Variants in ANO3 observed in about 807,000 individuals in gnomAD.
ANO3 encodes anoctamin-3.
A neutral mutation model predicts 144.8 loss-of-function variants in ANO3; 99 were observed. The observed-to-expected ratio is 0.68, with a 90% confidence interval of 0.58 to 0.81. The LOEUF is 0.81. Ranked by LOEUF, ANO3 falls within the 30% of genes least tolerant of loss-of-function variation. ANO3 has a pLI of 0.00. For synonymous variants in ANO3, 414 were observed against 392.6 expected (o/e 1.05, Z -0.64); for missense variants, 905 against 1,202.2 (o/e 0.75, Z 3.66).
At chr11:26,591,878 T>C (rs1322081627) in intron 14 of ANO3, among the ~76,000 whole-genome samples, 3 of 149,570 alleles carry the variant, frequency 2.0e-5, no homozygotes, top group Non-Finnish European at 4.4e-5. Context: ...TTGAGCGTGA[T>C]GTATCCAAGA....
chr11:26,602,783 C>G (rs935341102), intron 17 of ANO3, among the ~76,000 whole-genome samples: 41 of 151,632 alleles, frequency 2.7e-4, no homozygotes, highest in African/African-American at 9.2e-4. Flanking sequence ...TAATAGAACA[C>G]TAGAACTTAT....
chr11:26,629,917 C>G (rs1023800207), intron 18 of ANO3, among the ~76,000 whole-genome samples: 3 of 152,186 alleles, frequency 2.0e-5, no homozygotes, highest in Non-Finnish European at 4.4e-5. Context: ...AGGCATGAGC[C>G]ACTGCACCAG....
chr11:26,596,081 C>T (rs760709981), intron 14 of ANO3, among the ~76,000 whole-genome samples: 13 of 152,140 alleles, frequency 8.5e-5, no homozygotes, highest in African/African-American at 2.7e-4. Context: ...TATAGGGTCA[C>T]GGAGAAGACC....
At position 26,437,501 on chromosome 11, in the gene ANO3, T is replaced by A. The variant is rs1264835977; in HGVS notation, c.47-4417T>A. ...GGGGTGGGTAGTCAGATAGTCATCCTGTCTTGATTTTCTCCATTCTCCATT... is the reference window on the plus strand; with the variant it reads ...GGGGTGGGTAGTCAGATAGTCATCCAGTCTTGATTTTCTCCATTCTCCATT... On this transcript the variant is annotated intron_variant, in intron 1 of 26. Transcript: ENST00000256737. Among the ~76,000 whole-genome samples, 3 of 152,360 alleles carry A rather than the reference T, an allele frequency of 2.0e-5. No individual in the cohort carries two copies. The Middle Eastern group carries it at 0.01, about 518-fold the overall frequency.
At chr11:26,656,259 C>G (rs370814112) in intron 25 of ANO3, 54 bp downstream of exon 25, 5 of 1,527,934 alleles carry the variant, frequency 3.3e-6, no homozygotes, top group South Asian at 2.3e-5. Flanking sequence ...AGTACTCCCC[C>G]CTGCATGTTA....
chr11:26,600,281 C>A (rs1851756805), intron 17 of ANO3, among the ~76,000 whole-genome samples: 1 of 102,348 alleles, frequency 9.8e-6, no homozygotes, highest in African/African-American at 3.6e-5. Context: ...CTCCCCTCCC[C>A]TTCCCCTCTC....
chr11:26,222,234 C>T (rs541278145), intron 1 of ANO3, among the ~76,000 whole-genome samples: 6 of 152,336 alleles, frequency 3.9e-5, no homozygotes, highest in South Asian at 2.1e-4. Flanking sequence ...CACAGAAGAG[C>T]GGTCATTAAA....
chr11:26,587,983 AGAGG>A (rs1357312069), intron 14 of ANO3, among the ~76,000 whole-genome samples: 1 of 151,874 alleles, frequency 6.6e-6, no homozygotes, highest in Non-Finnish European at 1.5e-5. Context: ...CGGAAAGCAA[AGAGG>A]GTTTTCATTA....
At chr11:26,629,776 C>A (rs144860300) in intron 18 of ANO3, among the ~76,000 whole-genome samples, 1 of 151,974 alleles carries the variant, frequency 6.6e-6, no homozygotes, top group Non-Finnish European at 1.5e-5. Context: ...GGATTACAGG[C>A]GTGCACCTCC....
intron 14 of ANO3, among the ~76,000 whole-genome samples, chr11:26,593,561 A>T (rs1230885315): frequency 6.6e-6 from 1 of 152,248 alleles, no homozygotes; most frequent in Admixed American, 6.5e-5. Context: ...GGGTGATGGC[A>T]TGGGCTGGCG....
intron 18 of ANO3, among the ~76,000 whole-genome samples, chr11:26,626,213 T>C (rs1852579166): frequency 6.6e-6 from 1 of 152,228 alleles, no homozygotes; most frequent in Non-Finnish European, 1.5e-5. Flanking sequence ...TATCATTTAT[T>C]ATGCTGGATA....
At position 26,531,510 on chromosome 11, in the gene ANO3, G is replaced by A. The variant is rs60373469; in HGVS notation, c.869+174G>A. The stretch of plus-strand genomic sequence containing the variant: ...AACACTAAGTGAATGTTATTAATTC[G>A]CTATCAATTTGATGATTTAGAGACA... On this transcript the variant is annotated intron_variant, in intron 8 of 26. Transcript: ENST00000256737. Among the ~76,000 whole-genome samples the A allele has an allele frequency of 0.099, 15,077 of 152,014 alleles. 969 individuals carry two copies. Among genetic ancestry groups the A allele is most frequent in the Middle Eastern group, 0.16 (45 of 290 alleles).
chr11:26,571,597 A>C (rs1253676360), intron 14 of ANO3, among the ~76,000 whole-genome samples: 1 of 152,086 alleles, frequency 6.6e-6, no homozygotes, highest in Admixed American at 6.6e-5. Context: ...CTAATACTTA[A>C]AGCAAAAACC....
chr11:26,195,275 C>T (rs1172024768), intron 1 of ANO3, among the ~76,000 whole-genome samples: 1 of 152,124 alleles, frequency 6.6e-6, no homozygotes, highest in African/African-American at 2.4e-5. Flanking sequence ...GTATTAGCAA[C>T]ATGCAACAGT....
chr11:26,585,153 G>A (rs1227452210), intron 14 of ANO3, among the ~76,000 whole-genome samples: 3 of 152,114 alleles, frequency 2.0e-5, no homozygotes, highest in Admixed American at 6.6e-5. Flanking sequence ...AAACTTTCCA[G>A]AGTGGTTAAA....
At chr11:26,607,479 A>G (rs755571635) in intron 17 of ANO3, among the ~76,000 whole-genome samples, 1 of 152,160 alleles carries the variant, frequency 6.6e-6, no homozygotes, top group Non-Finnish European at 1.5e-5. Flanking sequence ...CTGTCTTTTT[A>G]CACAGTGCCT....
intron 1 of ANO3, among the ~76,000 whole-genome samples, chr11:26,320,870 A>G (rs1854743197): frequency 6.6e-6 from 1 of 152,050 alleles, no homozygotes. Context: ...ACATATCTTG[A>G]TTTAATCTAA....
intron 1 of ANO3, among the ~76,000 whole-genome samples, chr11:26,428,212 T>C (rs1857975624): frequency 6.6e-6 from 1 of 152,124 alleles, no homozygotes; most frequent in Non-Finnish European, 1.5e-5. Context: ...CCCTGAAGAA[T>C]ATAAACAAGA....
chr11:26,512,471 C>G (rs1319994088), intron 5 of ANO3, among the ~76,000 whole-genome samples: 1 of 152,084 alleles, frequency 6.6e-6, no homozygotes, highest in Non-Finnish European at 1.5e-5. Context: ...CCGCACCAGC[C>G]CCCTGGCCAG....
Sources: allele counts gnomAD v4.1 joint callset (sites outside exome capture counted in the v4.1 genomes callset), GRCh38; gene constraint gnomAD v4.1.1; transcripts MANE v1.5; gene names NCBI Gene and HGNC (gene_info 2026-07-23, HGNC 2026-07-21).